NIBAN2: variants seen among roughly 807,000 people sequenced by gnomAD.
NIBAN2 encodes protein Niban 2.
NIBAN2 carries 36 observed loss-of-function variants against 81.8 expected under a neutral mutation model. The observed-to-expected ratio is 0.44, with a 90% confidence interval of 0.34 to 0.58. NIBAN2 has a LOEUF of 0.58. NIBAN2 is among the 20% of genes least tolerant of loss of function. The pLI is 0.02. For synonymous variants in NIBAN2, 445 were observed against 441.6 expected (o/e 1.01, Z -0.10); for missense variants, 897 against 1,014.1 (o/e 0.88, Z 1.57).
Position 127,520,011 on chromosome 9 carries a change from G to A in NIBAN2, c.590-2070C>T, listed in dbSNP as rs993454157. ...TGGCGAGAAGGTGAGGCAGAGGGCC[G>A]GGACAGCGGGAGGGAGGCCAGCCAG... On this transcript the variant is annotated intron_variant, in intron 5 of 13. Coordinates refer to ENST00000373312, the MANE Select transcript of NIBAN2 (RefSeq NM_022833.4). 2.9e-4 allele frequency among the ~76,000 whole-genome samples: 44 copies of A among 152,278 alleles called. 1 individual carries two copies. Among genetic ancestry groups the A allele is most frequent in the African/African-American group, 9.1e-4 (38 of 41,544 alleles).
At chr9:127,578,809 A>T in intron 1 of NIBAN2, 1 of 1,011,862 alleles carries the variant, frequency 9.9e-7, no homozygotes, top group Non-Finnish European at 1.5e-6. Flanking sequence ...TTGAGCTATG[A>T]TCATTCCGCT....
At chr9:127,546,181 C>T (rs576129045) in intron 1 of NIBAN2, among the ~76,000 whole-genome samples, 95 of 152,342 alleles carry the variant, frequency 6.2e-4, no homozygotes, top group Non-Finnish European at 9.8e-4. Flanking sequence ...GTCACCCTTT[C>T]CTGTTGACTT....
At chr9:127,509,223 G>A in intron 9 of NIBAN2, 92 bp from the exon 10 acceptor site, 1 of 1,306,234 alleles carries the variant, frequency 7.7e-7, no homozygotes, top group Non-Finnish European at 1.0e-6. Flanking sequence ...CGAAGTCCAG[G>A]CCCTGGGGCT....
intron 1 of NIBAN2, among the ~76,000 whole-genome samples, chr9:127,541,841 G>A (rs1034301359): frequency 2.0e-5 from 3 of 152,076 alleles, no homozygotes; most frequent in African/African-American, 7.2e-5. Flanking sequence ...CAGACCCCTG[G>A]GACCCCCCTT....
intron 1 of NIBAN2, among the ~76,000 whole-genome samples, chr9:127,552,695 T>TG (rs1329161659): frequency 2.3e-4 from 33 of 141,880 alleles, no homozygotes; most frequent in African/African-American, 8.2e-4. Flanking sequence ...TTTTTTTTTT[T>TG]TTTTTTTTTT....
intron 1 of NIBAN2, among the ~76,000 whole-genome samples, chr9:127,560,439 GC>G (rs11321626): frequency 0.057 from 8,604 of 151,998 alleles, 439 homozygotes; most frequent in African/African-American, 0.13. Flanking sequence ...TGCCACTTCT[GC>G]CTGAAAATGC....
chr9:127,569,184 G>C, upstream of NIBAN2: 8 of 610,082 alleles, frequency 1.3e-5, no homozygotes, highest in Non-Finnish European at 1.5e-5. Context: ...TGCGCCCGCC[G>C]CGTCCCACCC....
chr9:127,564,405 A>C (rs1418373636), intron 1 of NIBAN2, among the ~76,000 whole-genome samples: 2 of 152,150 alleles, frequency 1.3e-5, no homozygotes, highest in African/African-American at 4.8e-5. Context: ...ATACTAGCAA[A>C]ATAGTGGAAA....
Position 127,506,757 on chromosome 9 carries a change from A to T in NIBAN2, c.*88T>A. 7.8e-7 allele frequency: 1 copy of T among 1,288,716 alleles called. No individual in the cohort carries two copies. Among genetic ancestry groups the T allele is most frequent in the Non-Finnish European group, 1.1e-6 (1 of 939,456 alleles). 79.8% of individuals were successfully genotyped at this position (1,288,716 alleles called of 1,614,324 possible). ...TGCCCCGCCTCCACCCACAAGGCAC[A>T]GACCAGGGTGCCCTCCCCAGAGCTG... On this transcript the variant is annotated 3_prime_UTR_variant, in exon 14 of 14. Coordinates refer to ENST00000373312, the MANE Select transcript of NIBAN2 (RefSeq NM_022833.4).
In NIBAN2 at chr9:127,559,063, G is replaced by T. The variant is rs1017536306; in HGVS notation, c.55+9757C>A. 6.6e-6 allele frequency among the ~76,000 whole-genome samples: 1 copy of T among 152,192 alleles called. No homozygotes were observed. The highest frequency in any genetic ancestry group is 1.9e-4 in the East Asian group (1 of 5,188). On this transcript the variant is annotated intron_variant, in intron 1 of 13. Coordinates refer to ENST00000373312, the MANE Select transcript of NIBAN2 (RefSeq NM_022833.4). This position sits in a 1 kb window ranked among gnomAD's most constrained non-coding sequence, Gnocchi z 4.0. Reference sequence around the variant, plus strand: ...AGCCAGACACGCTGCCTCTTGAGATGGGCCGACTGAGTGCTGAAACCAACA... The same window carrying T: ...AGCCAGACACGCTGCCTCTTGAGATTGGCCGACTGAGTGCTGAAACCAACA...
intron 8 of NIBAN2, among the ~76,000 whole-genome samples, chr9:127,514,528 A>C (rs1355830197): frequency 6.6e-6 from 1 of 152,240 alleles, no homozygotes; most frequent in East Asian, 1.9e-4. Context: ...CTAGAAGTAG[A>C]CAAAAACTCC....
intron 1 of NIBAN2, among the ~76,000 whole-genome samples, chr9:127,543,908 A>G (rs1242456392): frequency 2.6e-5 from 4 of 152,232 alleles, no homozygotes; most frequent in African/African-American, 4.8e-5. Flanking sequence ...CAGATCCCAT[A>G]TATGCTAAAA....
chr9:127,519,822 C>A (rs1207868097), intron 5 of NIBAN2, among the ~76,000 whole-genome samples: 5 of 152,172 alleles, frequency 3.3e-5, no homozygotes, highest in Admixed American at 1.3e-4. Flanking sequence ...GAAGGAGGTC[C>A]CCCCGCCACC....
At position 127,507,177 on chromosome 9, in the gene NIBAN2, C is replaced by T. The variant is rs1564291771; in HGVS notation, c.1909G>A (p.Ala637Thr). 1 of 1,612,620 alleles carries T rather than the reference C, an allele frequency of 6.2e-7. No homozygotes were observed. The change falls in exon 14 of 14, where the codon GCT (alanine) becomes ACT (threonine). Residue 637 changes from alanine to threonine, a missense_variant. Around this residue, in one of 3 missense-constraint regions of NIBAN2, gnomAD observed 619 missense variants for 691.0 expected, o/e 0.90. Transcript: ENST00000373312. The surrounding 1 kb of genome is among the most constrained non-coding windows in gnomAD (Gnocchi z 6.8). ...GCAGGTGGTGGTGACTCAGGGCTAG[C>T]CTCAAAGGGCAGCCCCACCTCCTCA... ...QDEEVGLPFEASPESPPPASP... is the reference protein window; with the variant it reads ...QDEEVGLPFETSPESPPPASP...
At chr9:127,534,938 G>A (rs982249722) in intron 1 of NIBAN2, among the ~76,000 whole-genome samples, 4 of 152,190 alleles carry the variant, frequency 2.6e-5, no homozygotes, top group Admixed American at 2.6e-4. Flanking sequence ...CACTTGCAGA[G>A]CATTAAACCC....
chr9:127,553,571 G>GCTGA (rs1837616141), intron 1 of NIBAN2, among the ~76,000 whole-genome samples: 1 of 152,234 alleles, frequency 6.6e-6, no homozygotes, highest in Non-Finnish European at 1.5e-5. Flanking sequence ...AAAGCAGAGA[G>GCTGA]CTGAGGTCAT....
At chr9:127,530,431 C>A (rs1837156888) in intron 2 of NIBAN2, among the ~76,000 whole-genome samples, 1 of 152,198 alleles carries the variant, frequency 6.6e-6, no homozygotes, top group African/African-American at 2.4e-5. Flanking sequence ...GGCCTGTAAT[C>A]CCAGCACTTT....
chr9:127,524,817 T>G (rs969085866), intron 4 of NIBAN2: 3 of 423,596 alleles, frequency 7.1e-6, no homozygotes, highest in African/African-American at 6.0e-5. Flanking sequence ...GAGTAACTCC[T>G]GACGAACACA....
chr9:127,535,828 T>G (rs1837265649), intron 1 of NIBAN2, among the ~76,000 whole-genome samples: 1 of 151,732 alleles, frequency 6.6e-6, no homozygotes, highest in Non-Finnish European at 1.5e-5. Flanking sequence ...CACAAGCAGA[T>G]GTCGGCAAGG....
Sources: gnomAD v4.1 joint callset for allele counts (sites outside exome capture counted in the v4.1 genomes callset) on GRCh38, gnomAD v4.1.1 for gene constraint, gnomAD v4.1.1 regional missense constraint, Gnocchi (gnomAD v3.1) non-coding constraint, MANE v1.5 for transcripts, NCBI Gene and HGNC (gene_info 2026-07-23, HGNC 2026-07-21) for gene names.